PRKG1: variants seen among roughly 807,000 people sequenced by gnomAD.
PRKG1 encodes the protein protein kinase cGMP-dependent 1.
PRKG1 carries 35 observed loss-of-function variants against 88.1 expected under a neutral mutation model. The observed-to-expected ratio is 0.40, with a 90% confidence interval of 0.30 to 0.53. The LOEUF (loss-of-function observed/expected upper bound fraction) is 0.53. Among genes scored for constraint, PRKG1 ranks in the 20% least tolerant of loss-of-function variants. The pLI is 0.59. For synonymous variants in PRKG1, 303 were observed against 292.5 expected (o/e 1.04, Z -0.37); for missense variants, 540 against 839.8 (o/e 0.64, Z 4.41).
intron 2 of PRKG1, among the ~76,000 whole-genome samples, chr10:51,340,420 CTA>C (rs1369374476): frequency 1.3e-5 from 2 of 152,070 alleles, no homozygotes; most frequent in Admixed American, 6.6e-5. Context: ...TCAGTTTAAT[CTA>C]TGTTAAGATT....
At position 51,761,079 on chromosome 10, in the gene PRKG1, A is replaced by T. The variant is rs116815115; in HGVS notation, c.593-43506A>T. Among the ~76,000 whole-genome samples the T allele has an allele frequency of 3.0e-3, 452 of 152,276 alleles. 3 individuals carry two copies. The highest frequency in any genetic ancestry group is 0.01 in the African/African-American group (425 of 41,574). On this transcript the variant is annotated intron_variant, in intron 3 of 17. Transcript: ENST00000373980. ...CAGTGAGCCAAGTTCATGCCATTACACTCCAGTCTGGGTTATAGGGCGAGA... is the reference window on the plus strand; with the variant it reads ...CAGTGAGCCAAGTTCATGCCATTACTCTCCAGTCTGGGTTATAGGGCGAGA...
intron 3 of PRKG1, among the ~76,000 whole-genome samples, chr10:51,585,976 GT>G (rs1564562007): frequency 6.6e-6 from 1 of 152,118 alleles, no homozygotes; most frequent in Non-Finnish European, 1.5e-5. Flanking sequence ...GACTAGTAGA[GT>G]GGGGAGGTAG....
chr10:51,470,592 T>C (rs923652184), intron 3 of PRKG1, among the ~76,000 whole-genome samples: 1 of 151,942 alleles, frequency 6.6e-6, no homozygotes, highest in Non-Finnish European at 1.5e-5. Context: ...TAGCATTCAA[T>C]AGTTTTTCAA....
intron 5 of PRKG1, among the ~76,000 whole-genome samples, chr10:51,973,421 T>G (rs1426641546): frequency 6.6e-6 from 1 of 152,166 alleles, no homozygotes. Context: ...TAGGCTGAAT[T>G]TATTATGTTC....
At chr10:51,181,985 T>A (rs900954698) in intron 2 of PRKG1, among the ~76,000 whole-genome samples, 28 of 152,232 alleles carry the variant, frequency 1.8e-4, no homozygotes, top group African/African-American at 6.8e-4. Context: ...TGGAACAACA[T>A]TTTTTGGGAA....
intron 1 of PRKG1, among the ~76,000 whole-genome samples, chr10:51,143,823 GT>G (rs993746625): frequency 6.6e-6 from 1 of 151,368 alleles, no homozygotes; most frequent in African/African-American, 2.4e-5. Context: ...GGTTATTTGG[GT>G]TTTTTTTGCT....
intron 3 of PRKG1, among the ~76,000 whole-genome samples, chr10:51,614,452 A>T (rs1838992145): frequency 6.6e-6 from 1 of 151,890 alleles, no homozygotes; most frequent in East Asian, 1.9e-4. Flanking sequence ...GCACAGGGTC[A>T]GTATTCAAGG....
chr10:51,768,169 A>G (rs1838217615), intron 3 of PRKG1, among the ~76,000 whole-genome samples: 1 of 152,134 alleles, frequency 6.6e-6, no homozygotes, highest in South Asian at 2.1e-4. Flanking sequence ...GCTTCAGGGG[A>G]AAAATATCAG....
chr10:51,233,832 G>T (rs181692913), intron 2 of PRKG1, among the ~76,000 whole-genome samples: 2 of 152,034 alleles, frequency 1.3e-5, no homozygotes, highest in East Asian at 3.9e-4. Flanking sequence ...CACAATAAGC[G>T]GTATCTTTTA....
At chr10:51,373,793 G>T (rs952304853) in intron 2 of PRKG1, among the ~76,000 whole-genome samples, 16 of 152,024 alleles carry the variant, frequency 1.1e-4, no homozygotes, top group African/African-American at 3.9e-4. Context: ...ACTAACGCAG[G>T]TGTTTCTTTT....
At chr10:51,280,279 C>A (rs1468636103) in intron 2 of PRKG1, among the ~76,000 whole-genome samples, 2 of 152,138 alleles carry the variant, frequency 1.3e-5, no homozygotes, top group Non-Finnish European at 2.9e-5. Flanking sequence ...GTAACCTGAC[C>A]TTTCTCTCTG....
chr10:51,658,450 G>A (rs1840216022), intron 3 of PRKG1, among the ~76,000 whole-genome samples: 1 of 151,968 alleles, frequency 6.6e-6, no homozygotes, highest in South Asian at 2.1e-4. Flanking sequence ...GTCCCTTCCA[G>A]ATCCTAGGGG....
At chr10:51,124,226 CTT>C (rs1217735556) in intron 1 of PRKG1, among the ~76,000 whole-genome samples, 1 of 152,124 alleles carries the variant, frequency 6.6e-6, no homozygotes, top group Non-Finnish European at 1.5e-5. Context: ...CTCTGATTAT[CTT>C]TTCTTCATTG....
At chr10:51,624,022 T>C (rs1839273866) in intron 3 of PRKG1, among the ~76,000 whole-genome samples, 1 of 152,174 alleles carries the variant, frequency 6.6e-6, no homozygotes, top group South Asian at 2.1e-4. Context: ...AAGAGTTGCA[T>C]CACATGTCCA....
chr10:51,470,048 T>A (rs939842671), intron 3 of PRKG1, among the ~76,000 whole-genome samples: 5 of 151,796 alleles, frequency 3.3e-5, no homozygotes, highest in African/African-American at 1.2e-4. Context: ...TCAAGCACCA[T>A]TTTTTTCTAT....
intron 4 of PRKG1, among the ~76,000 whole-genome samples, chr10:51,839,765 G>A (rs1000414963): frequency 6.6e-6 from 1 of 152,152 alleles, no homozygotes; most frequent in Non-Finnish European, 1.5e-5. Context: ...GAAGTAACAG[G>A]AACCATCTAC....
At chr10:51,127,130 A>C (rs994239300) in intron 1 of PRKG1, among the ~76,000 whole-genome samples, 7 of 152,192 alleles carry the variant, frequency 4.6e-5, no homozygotes, top group Non-Finnish European at 1.0e-4. Context: ...ATTAAACTAA[A>C]GCGCTTCTAC....
intron 5 of PRKG1, among the ~76,000 whole-genome samples, chr10:51,914,786 G>A (rs1407102143): frequency 6.6e-6 from 1 of 152,088 alleles, no homozygotes; most frequent in Admixed American, 6.5e-5. Context: ...TCCCTGGATG[G>A]TGCACTTATG....
chr10:51,720,487 C>G (rs907236244), intron 3 of PRKG1, among the ~76,000 whole-genome samples: 4 of 152,228 alleles, frequency 2.6e-5, no homozygotes, highest in African/African-American at 9.6e-5. Context: ...TTACCGTCAT[C>G]ACCACAGTAA....
Sources: gnomAD v4.1 joint callset for allele counts (sites outside exome capture counted in the v4.1 genomes callset) on GRCh38, gnomAD v4.1.1 for gene constraint, MANE v1.5 for transcripts, NCBI Gene and HGNC (gene_info 2026-07-23, HGNC 2026-07-21) for gene names.